Variants in KANSL1 observed in about 807,000 individuals in gnomAD.
KANSL1 encodes MLL1/MLL complex subunit KANSL1.
In KANSL1, 22 loss-of-function variants were observed where a neutral mutation model predicts 103.6. The observed-to-expected ratio is 0.21, with a 90% CI of 0.15 to 0.30. The LOEUF is 0.30. KANSL1 is among the 10% of genes least tolerant of loss of function. The pLI is 1.00. For missense variants in KANSL1, 1,337 were observed against 1,399.8 expected, an observed-to-expected ratio of 0.96 and a Z score of 0.72; for synonymous variants, 600 against 527.6, an observed-to-expected ratio of 1.14 and a Z score of -1.88.
chr17:46,089,615 G>A (rs1456811484), intron 3 of KANSL1, among the ~76,000 whole-genome samples: 1 of 135,782 alleles, frequency 7.4e-6, no homozygotes, highest in African/African-American at 2.7e-5. Flanking sequence ...GGAAATCTTG[G>A]TGCAGCATGG....
chr17:46,147,600 A>AG (rs2044793030), intron 2 of KANSL1, among the ~76,000 whole-genome samples: 1 of 149,710 alleles, frequency 6.7e-6, no homozygotes, highest in South Asian at 2.1e-4. Flanking sequence ...AAAAAAAGAG[A>AG]GCGAGAGAGA....
At chr17:46,036,047 T>G (rs1178875695) in intron 10 of KANSL1, 1 of 144,304 alleles carries the variant, frequency 6.9e-6, no homozygotes, top group Non-Finnish European at 1.6e-5. Context: ...AAAAAGGTTC[T>G]AGGACTCCCC....
chr17:46,047,680 A>G (rs1456772353), intron 7 of KANSL1, among the ~76,000 whole-genome samples: 1 of 151,882 alleles, frequency 6.6e-6, no homozygotes, highest in East Asian at 1.9e-4. Flanking sequence ...CCAGATACTT[A>G]GGAGGCTGAA....
chr17:46,053,042 C>T (rs1008649667), intron 6 of KANSL1, among the ~76,000 whole-genome samples: 2 of 127,494 alleles, frequency 1.6e-5, no homozygotes, highest in Non-Finnish European at 3.2e-5. Flanking sequence ...AATCCCAGTA[C>T]TTTGGGAGGC....
chr17:46,058,773 T>C (rs2078036241), intron 6 of KANSL1, among the ~76,000 whole-genome samples: 1 of 117,018 alleles, frequency 8.5e-6, no homozygotes, highest in Non-Finnish European at 2.0e-5. Flanking sequence ...TCTCTCTCTC[T>C]CTCTCTCTCT....
intron 6 of KANSL1, among the ~76,000 whole-genome samples, chr17:46,055,171 T>C (rs932152442): frequency 6.6e-6 from 1 of 150,612 alleles, no homozygotes; most frequent in African/African-American, 2.4e-5. Flanking sequence ...TATTTAGAAA[T>C]ACAAGTGAAA....
chr17:46,194,017 A>T (rs1275102707), upstream of KANSL1: 1 of 153,262 alleles, frequency 6.5e-6, no homozygotes, highest in Non-Finnish European at 1.5e-5. Flanking sequence ...GCTGGGCACT[A>T]GCCCCAGCAC....
rs12150090 is a variant in KANSL1 at position 46,038,520 on chromosome 17, C to G, written c.2541+18G>C. 15 of 1,612,638 alleles carry G rather than the reference C, an allele frequency of 9.3e-6. No homozygotes were observed. Among genetic ancestry groups the G allele is most frequent in the Non-Finnish European group, 1.2e-5 (14 of 1,179,292 alleles). Reference sequence around the variant, plus strand: ...ACCTGCAGAGGGGGTGTCCGGCCAACCCCACACAGGTACTTACCGATGTGC... The same window carrying G: ...ACCTGCAGAGGGGGTGTCCGGCCAAGCCCACACAGGTACTTACCGATGTGC... On this transcript the variant is annotated intron_variant, in intron 10 of 14. Transcript: ENST00000432791.
intron 6 of KANSL1, among the ~76,000 whole-genome samples, chr17:46,060,635 G>A (rs2078124885): frequency 6.6e-6 from 1 of 152,144 alleles, no homozygotes; most frequent in Non-Finnish European, 1.5e-5. Context: ...CTCTGTCAAG[G>A]AAGAACGTAT....
chr17:46,133,290 T>TC (rs2043958639), intron 2 of KANSL1, among the ~76,000 whole-genome samples: 1 of 152,154 alleles, frequency 6.6e-6, no homozygotes. Context: ...CGCCCAGACT[T>TC]CCCCACCCAA....
chr17:46,173,715 C>T (rs2046391303), intron 1 of KANSL1, among the ~76,000 whole-genome samples: 1 of 152,228 alleles, frequency 6.6e-6, no homozygotes, highest in South Asian at 2.1e-4. Context: ...AGGCACCAAA[C>T]TATACTAATA....
chr17:46,171,227 T>C lies in KANSL1; in HGVS notation c.917A>G (p.Gln306Arg). 1 of 1,614,114 alleles carries C rather than the reference T, an allele frequency of 6.2e-7. No homozygotes were observed. Among genetic ancestry groups the C allele is most frequent in the South Asian group, 1.1e-5 (1 of 91,086 alleles). The change falls in exon 2 of 15, where the codon CAG (glutamine) becomes CGG (arginine). Residue 306 changes from glutamine to arginine, a missense_variant. By Grantham distance (43) the Gln-to-Arg change is conservative. Around this residue, in one of 2 missense-constraint regions of KANSL1, gnomAD observed 557 missense variants for 476.4 expected, o/e 1.17. Transcript: ENST00000432791. ...SRARRLQKRL[Q>R]VVQAKQVERH... ...CTCAACCTGCTTGGCTTGCACAACC[T>C]GTAAGCGCTTTTGTAATCTGCGGGC...
Position 46,033,066 on chromosome 17 carries a change from G to A in KANSL1, c.2837+14C>T, listed in dbSNP as rs770089639. ...CTCTCCACAGGCCCTGGGGACCCAA[G>A]CCTGCCCCATCACCTGCTGCCCCGC... On this transcript the variant is annotated intron_variant, in intron 13 of 14. Coordinates refer to ENST00000432791, the MANE Select transcript of KANSL1 (RefSeq NM_015443.4). 96 of 1,553,684 alleles carry A rather than the reference G, an allele frequency of 6.2e-5. No homozygotes were observed. Among genetic ancestry groups the A allele is most frequent in the Admixed American group, 4.0e-4 (21 of 52,234 alleles).
At chr17:46,113,492 T>C (rs192511877) in intron 2 of KANSL1, among the ~76,000 whole-genome samples, 2 of 152,196 alleles carry the variant, frequency 1.3e-5, no homozygotes, top group Non-Finnish European at 2.9e-5. Flanking sequence ...TTGTTAAAGT[T>C]AGGCATATGC....
At position 46,050,586 on chromosome 17, in the gene KANSL1, T is replaced by G; in HGVS notation, c.1967A>C (p.Glu656Ala). 1 of 1,614,172 alleles carries G rather than the reference T, an allele frequency of 6.2e-7. No homozygotes were observed. The highest frequency in any genetic ancestry group is 1.1e-5 in the South Asian group (1 of 91,082). ...ACAAGAGTCCAACTGGGAAAGACGT[T>G]CCAACAGAGGGGCTTCATAGTGAAT... ...PEIHYEAPLL[E>A]RLSQLDSCVH... Residue 656 changes from glutamate (E) to alanine (A), a missense_variant, in exon 7 of 15, where the codon GAA (glutamate) becomes GCA (alanine). Glu to Ala is a moderately radical substitution (Grantham distance 107). Coordinates refer to ENST00000432791, the MANE Select transcript of KANSL1 (RefSeq NM_015443.4).
At position 46,174,070 on chromosome 17, in the gene KANSL1, G is replaced by T. The variant is rs142571089; in HGVS notation, c.-89-1838C>A. Among the ~76,000 whole-genome samples, 606 of 152,342 alleles carry T rather than the reference G, an allele frequency of 4.0e-3. 3 individuals carry two copies. The highest frequency in any genetic ancestry group is 0.017 in the Middle Eastern group (5 of 294). On this transcript the variant is annotated intron_variant, in intron 1 of 14. Transcript: ENST00000432791. ...TGTCACTTCAAGGAAGACCACTGAC[G>T]ATATTTGCTGCCAATAATAAAATCT...
intron 2 of KANSL1, among the ~76,000 whole-genome samples, chr17:46,101,063 G>A (rs2042292819): frequency 6.6e-6 from 1 of 152,214 alleles, no homozygotes. Flanking sequence ...AGACATCTAA[G>A]TTCTGAAATC....
At chr17:46,125,553 G>GTACCACTCCCAAGACCA (rs1347397274) in intron 2 of KANSL1, among the ~76,000 whole-genome samples, 1 of 152,090 alleles carries the variant, frequency 6.6e-6, no homozygotes, top group Non-Finnish European at 1.5e-5. Flanking sequence ...CATATAGGGG[G>GTACCACTCCCAAGACCA]TACCACTCCC....
intron 1 of KANSL1, among the ~76,000 whole-genome samples, chr17:46,201,817 G>A (rs534930376): frequency 6.6e-6 from 1 of 152,276 alleles, no homozygotes; most frequent in East Asian, 1.9e-4. Context: ...GACCGGCCTG[G>A]GCAATGTAGC....
Sources: allele counts gnomAD v4.1 joint callset (sites outside exome capture counted in the v4.1 genomes callset), GRCh38; gene constraint gnomAD v4.1.1; regional missense constraint gnomAD v4.1.1; transcripts MANE v1.5; gene names NCBI Gene and HGNC (gene_info 2026-07-23, HGNC 2026-07-21).